NRXN3: variants seen among roughly 807,000 people sequenced by gnomAD.
NRXN3 encodes the protein neurexin 3, also known as neurexin III.
A neutral mutation model predicts 137.6 loss-of-function variants in NRXN3; 32 were observed. That is an observed-to-expected ratio of 0.23 (90% confidence interval 0.18 to 0.31). The LOEUF (loss-of-function observed/expected upper bound fraction) is 0.31, where lower values mean the gene tolerates loss of function less well. NRXN3 is among the 10% of genes least tolerant of loss of function. NRXN3 has a pLI of 1.00. For synonymous variants in NRXN3, 798 were observed against 784.5 expected (o/e 1.02, Z -0.29); for missense variants, 1,574 against 2,062.5 (o/e 0.76, Z 4.59).
chr14:79,670,225 C>T (rs568539149), intron 17 of NRXN3, among the ~76,000 whole-genome samples: 3 of 152,156 alleles, frequency 2.0e-5, no homozygotes, highest in Admixed American at 6.5e-5. Context: ...ACCATGTAAA[C>T]GATGGGCATT....
At chr14:78,526,704 CATT>C in intron 4 of NRXN3, 2 of 511,552 alleles carry the variant, frequency 3.9e-6, no homozygotes, top group African/African-American at 1.9e-5. Context: ...CACTTTCGTG[CATT>C]ATTATCTTTG....
At position 79,018,605 on chromosome 14, in the gene NRXN3, C is replaced by G. The variant is rs556676813; in HGVS notation, c.3262+30464C>G. ...GTTTTATTCATCTTCCTCTCTCACT[C>G]TCCTTTACAGAGTAGGCCCCTAATA... On this transcript the variant is annotated intron_variant, in intron 15 of 20. Coordinates refer to ENST00000335750, the MANE Select transcript of NRXN3 (RefSeq NM_001330195.2). Among the ~76,000 whole-genome samples, 3 of 152,280 alleles carry G rather than the reference C, an allele frequency of 2.0e-5. No individual in the cohort carries two copies. In the East Asian group the frequency reaches 5.8e-4, roughly 29 times the overall value.
chr14:79,514,048 C>A (rs117453732), intron 16 of NRXN3, among the ~76,000 whole-genome samples: 1,549 of 152,148 alleles, frequency 0.01, 32 homozygotes, highest in Admixed American at 0.047. Flanking sequence ...CATCATGCAA[C>A]CTGCTTCTAA....
At chr14:78,882,502 C>T (rs953250854) in intron 10 of NRXN3, among the ~76,000 whole-genome samples, 10 of 151,768 alleles carry the variant, frequency 6.6e-5, no homozygotes, top group Non-Finnish European at 1.5e-4. Flanking sequence ...GACATGTAGT[C>T]TAAGGAGATA....
rs373805076 is a variant in NRXN3, at chr14:78,271,649, TG to T, written c.710-6995del. Among the ~76,000 whole-genome samples, 105 of 152,240 alleles carry T rather than the reference TG, an allele frequency of 6.9e-4. 1 individual carries two copies. In the East Asian group the frequency reaches 0.016, roughly 24 times the overall value. On this transcript the variant is annotated intron_variant, in intron 2 of 20. Coordinates refer to ENST00000335750, the MANE Select transcript of NRXN3 (RefSeq NM_001330195.2). Reference sequence around the variant, plus strand: ...ACAGCAGTGACCTGGCCCACAGAAATGCCTGCCTTGGTCCTTCCTCTTCCCC... The same window carrying T: ...ACAGCAGTGACCTGGCCCACAGAAATCCTGCCTTGGTCCTTCCTCTTCCCC...
chr14:78,566,083 A>G (rs551823963), intron 4 of NRXN3, among the ~76,000 whole-genome samples: 7 of 152,184 alleles, frequency 4.6e-5, no homozygotes, highest in Non-Finnish European at 8.8e-5. Context: ...TGGTTGATCA[A>G]TTGTGCCCAA....
intron 16 of NRXN3, among the ~76,000 whole-genome samples, chr14:79,576,569 G>C (rs1033152120): frequency 6.6e-6 from 1 of 152,196 alleles, no homozygotes; most frequent in Non-Finnish European, 1.5e-5. Flanking sequence ...CAAATGGGAA[G>C]ACGGGTCTAT....
intron 1 of NRXN3, among the ~76,000 whole-genome samples, chr14:78,222,866 C>T (rs1250262813): frequency 4.6e-5 from 7 of 152,206 alleles, no homozygotes; most frequent in African/African-American, 1.7e-4. Context: ...TTATTCATAG[C>T]TTTATACCCA....
At position 79,576,136 on chromosome 14, in the gene NRXN3, C is replaced by A. The variant is rs1181497952; in HGVS notation, c.3445-87642C>A. Among the ~76,000 whole-genome samples the A allele has an allele frequency of 2.0e-5, 3 of 152,132 alleles. 1 individual carries two copies. The South Asian group carries it at 6.2e-4, about 32-fold the overall frequency. On this transcript the variant is annotated intron_variant, in intron 16 of 20. Coordinates refer to ENST00000335750, the MANE Select transcript of NRXN3 (RefSeq NM_001330195.2). ...CTCTGGCATTATCCACTTATTTGAT[C>A]TAGCTAAGTATAGGAGCAGAAATAA...
chr14:79,086,509 C>A (rs1156456467), intron 15 of NRXN3, among the ~76,000 whole-genome samples: 1 of 152,052 alleles, frequency 6.6e-6, no homozygotes, highest in Non-Finnish European at 1.5e-5. Context: ...TCCTTTCTCT[C>A]ATTTTAAATT....
chr14:79,166,054 C>A (rs12891595), intron 15 of NRXN3, among the ~76,000 whole-genome samples: 73,072 of 151,810 alleles, frequency 0.48, 19,076 homozygotes, highest in East Asian at 0.63. Flanking sequence ...TCTACAGTTC[C>A]TTCTGCAGCT....
chr14:78,739,343 TTATGGTTACAA>T (rs749182732), intron 8 of NRXN3, among the ~76,000 whole-genome samples: 1 of 152,230 alleles, frequency 6.6e-6, no homozygotes, highest in African/African-American at 2.4e-5. Flanking sequence ...GTTTGTTACC[TTATGGTTACAA>T]TATGGTTCCC....
At chr14:79,164,758 A>T (rs2061132974) in intron 15 of NRXN3, among the ~76,000 whole-genome samples, 1 of 152,038 alleles carries the variant, frequency 6.6e-6, no homozygotes, top group Non-Finnish European at 1.5e-5. Flanking sequence ...TTGCTCAGAA[A>T]AATGCATAGT....
At chr14:78,730,772 A>G (rs528570918) in intron 8 of NRXN3, among the ~76,000 whole-genome samples, 3 of 152,340 alleles carry the variant, frequency 2.0e-5, no homozygotes, top group Admixed American at 6.5e-5. Context: ...TGGCTAAAAT[A>G]TGGCTGAGGA....
chr14:78,411,662 C>A (rs745328362), intron 4 of NRXN3, among the ~76,000 whole-genome samples: 6 of 152,192 alleles, frequency 3.9e-5, no homozygotes, highest in Non-Finnish European at 8.8e-5. Flanking sequence ...GCCCAGAGGA[C>A]CTCATCTGGT....
chr14:79,638,435 A>G (rs1365487122), intron 16 of NRXN3, among the ~76,000 whole-genome samples: 1 of 152,222 alleles, frequency 6.6e-6, no homozygotes, highest in Non-Finnish European at 1.5e-5. Context: ...AGAGTGACGT[A>G]TGAGTAGAAC....
At chr14:79,815,086 A>G (rs1337490084) in intron 20 of NRXN3, among the ~76,000 whole-genome samples, 3 of 152,202 alleles carry the variant, frequency 2.0e-5, no homozygotes, top group Non-Finnish European at 2.9e-5. Flanking sequence ...CACGACATAC[A>G]TAATAGCTTT....
At chr14:79,589,649 T>G (rs1385412555) in intron 16 of NRXN3, among the ~76,000 whole-genome samples, 4 of 151,708 alleles carry the variant, frequency 2.6e-5, no homozygotes, top group Admixed American at 1.3e-4. Flanking sequence ...AAAAATTGCT[T>G]TTTAAGTGGC....
At chr14:78,649,307 T>C (rs2097716215) in intron 5 of NRXN3, 51 of 1,340,026 alleles carry the variant, frequency 3.8e-5, no homozygotes, top group Non-Finnish European at 4.8e-5. Context: ...CAAACTACAT[T>C]GTCTGGTAGA....
Sources: gnomAD v4.1 joint callset for allele counts (sites outside exome capture counted in the v4.1 genomes callset) on GRCh38, gnomAD v4.1.1 for gene constraint, MANE v1.5 for transcripts, NCBI Gene and HGNC (gene_info 2026-07-23, HGNC 2026-07-21) for gene names.